Variants in SH2B1 observed in about 807,000 individuals in gnomAD.
SH2B1 encodes SH2B adaptor protein 1.
Under a neutral mutation model 62.6 loss-of-function variants are expected in SH2B1, and 15 were observed. The ratio of observed to expected loss-of-function variants is 0.24; its 90% CI spans 0.16 to 0.37. The LOEUF (loss-of-function observed/expected upper bound fraction) is 0.37. SH2B1 is among the 10% of genes least tolerant of loss of function. The probability of loss-of-function intolerance (pLI) is 1.00; values close to 1 mark genes in which losing one functional copy is unlikely to be tolerated. For synonymous variants in SH2B1, 443 were observed against 438.0 expected (o/e 1.01, Z -0.14); for missense variants, 925 against 1,015.6 (o/e 0.91, Z 1.21).
chr16:28,872,001 G>A lies in SH2B1; in HGVS notation c.1513+18G>A. 6.6e-7 allele frequency: 1 copy of A among 1,526,202 alleles called. No homozygotes were observed. The highest frequency in any genetic ancestry group is 2.2e-5 in the East Asian group (1 of 44,522). 94.5% of individuals were successfully genotyped at this position (1,526,202 alleles called of 1,614,324 possible). ...AGCCACAGGTACCGGAGGTGTGAGT[G>A]TGCATGTCTCCAGGCCTGGGTGCCT... On this transcript the variant is annotated intron_variant, in intron 5 of 7. Transcript: ENST00000684370. The surrounding 1 kb of genome is among the most constrained non-coding windows in gnomAD (Gnocchi z 5.3).
chr16:28,847,754 G>T (rs1962009917), intron 1 of SH2B1, among the ~76,000 whole-genome samples: 1 of 151,492 alleles, frequency 6.6e-6, no homozygotes, highest in Non-Finnish European at 1.5e-5. Context: ...AGGAGTTCAA[G>T]GCTGTGGTGA....
At chr16:28,870,612 C>T (rs1181103121) in intron 4 of SH2B1, among the ~76,000 whole-genome samples, 1 of 151,514 alleles carries the variant, frequency 6.6e-6, no homozygotes, top group Non-Finnish European at 1.5e-5. Flanking sequence ...GGGGCTTTGT[C>T]CTATAGTTCA....
intron 1 of SH2B1, among the ~76,000 whole-genome samples, chr16:28,848,899 T>G (rs1962041507): frequency 1.3e-5 from 2 of 151,972 alleles, no homozygotes; most frequent in African/African-American, 4.8e-5. Flanking sequence ...CTTGAACTCC[T>G]GACCTCAAGT....
chr16:28,858,398 A>G (rs1355398671), intron 1 of SH2B1, among the ~76,000 whole-genome samples: 4 of 152,164 alleles, frequency 2.6e-5, no homozygotes, highest in Non-Finnish European at 5.9e-5. Flanking sequence ...CTGCAATCCC[A>G]GCTACTTGGG....
chr16:28,864,120 G>A lies in SH2B1; in HGVS notation c.-1975G>A, dbSNP rs928077912. ...CTGGTCCCGAGGTGGATGCGGCCCC[G>A]GAAAATGGGCGGCTGGGGGGTGTCC... On this transcript the variant is annotated 5_prime_UTR_variant, in exon 1 of 8. Coordinates refer to ENST00000684370, the MANE Select transcript of SH2B1 (RefSeq NM_001387430.1). The A allele has an allele frequency of 1.6e-6, 2 of 1,216,258 alleles. No individual in the cohort carries two copies. The highest frequency in any genetic ancestry group is 1.0e-6 in the Non-Finnish European group (1 of 969,470). The allele number at this position is 1,216,258 out of a possible 1,614,324, so 75.3% of individuals were successfully genotyped here. A position where few individuals can be genotyped will look rare whatever the true frequency, so the allele number is the denominator to read the frequency against.
intron 2 of SH2B1, among the ~76,000 whole-genome samples, chr16:28,868,439 CTATTT>C (rs1328676270): frequency 6.6e-6 from 1 of 151,954 alleles, no homozygotes; most frequent in African/African-American, 2.4e-5. Context: ...TGCGCCTGGC[CTATTT>C]TATTTTATTT....
At chr16:28,855,857 G>A (rs765548465) in intron 1 of SH2B1, among the ~76,000 whole-genome samples, 40 of 117,680 alleles carry the variant, frequency 3.4e-4, no homozygotes, top group Non-Finnish European at 5.4e-4. Context: ...GGGTTTCACT[G>A]TGTTGGCCAG....
At chr16:28,863,740 G>C, upstream of SH2B1, 1 of 1,535,748 alleles carries the variant, frequency 6.5e-7, no homozygotes, top group South Asian at 1.2e-5. Context: ...GGCGCCGAGT[G>C]GGAGGATGGC....
At position 28,873,923 on chromosome 16, in the gene SH2B1, G is replaced by T. The variant is rs1963192421; in HGVS notation, c.*103G>T. On this transcript the variant is annotated 3_prime_UTR_variant, in exon 8 of 8. Transcript: ENST00000684370. The surrounding 1 kb of genome is among the most constrained non-coding windows in gnomAD (Gnocchi z 4.2). ...CCGAAATCCCTCCCCCATGCTTCCT[G>T]ACCCTTGTTGGCCAAGGGCATCTTT... is the stretch of plus-strand genomic sequence containing the variant. The T allele has an allele frequency of 1.7e-6, 2 of 1,206,542 alleles. No individual in the cohort carries two copies. The allele number at this position is 1,206,542 out of a possible 1,614,324, so 74.7% of individuals were successfully genotyped here.
Position 28,864,097 on chromosome 16 carries a change from G to T in SH2B1, c.-1998G>T. 2 of 1,262,040 alleles carry T rather than the reference G, an allele frequency of 1.6e-6. No individual in the cohort carries two copies. Among genetic ancestry groups the T allele is most frequent in the East Asian group, 8.1e-5 (2 of 24,774 alleles). The allele number at this position is 1,262,040 out of a possible 1,614,324, so 78.2% of individuals were successfully genotyped here. ...CCCGGAGAGTGCAGCAGACAGGGCT[G>T]GTCCCGAGGTGGATGCGGCCCCGGA... On this transcript the variant is annotated 5_prime_UTR_variant, in exon 1 of 8. Transcript: ENST00000684370.
At chr16:28,867,490 C>A in intron 2 of SH2B1, 58 bp downstream of exon 2, 2 of 1,330,628 alleles carry the variant, frequency 1.5e-6, no homozygotes, top group Non-Finnish European at 2.2e-6. Flanking sequence ...AAGCCCTCAG[C>A]GCATTTAAGC....
chr16:28,849,970 T>G (rs896185495), intron 1 of SH2B1, among the ~76,000 whole-genome samples: 1 of 151,974 alleles, frequency 6.6e-6, no homozygotes, highest in African/African-American at 2.4e-5. Flanking sequence ...TATGGCAAAT[T>G]TTTTGGAAGG....
upstream of SH2B1, among the ~76,000 whole-genome samples, chr16:28,859,720 A>T (rs913985666): frequency 2.6e-5 from 4 of 151,928 alleles, no homozygotes; most frequent in Admixed American, 6.6e-5. Context: ...GAAAAAAAAA[A>T]AGAGAGAGAG....
In SH2B1 at chr16:28,872,494, G is replaced by A. The variant is rs62037368; in HGVS notation, c.1726-40G>A. The A allele has an allele frequency of 0.012, 18,456 of 1,587,946 alleles. 136 individuals carry two copies. The highest frequency in any genetic ancestry group is 0.014 in the Non-Finnish European group (16,448 of 1,164,138). Reference sequence around the variant, plus strand: ...GGGGAGGGGGTTTGTACCTGGCAGGGCCTTTGCCTCCTACCTCACCTCCCC... The same window carrying A: ...GGGGAGGGGGTTTGTACCTGGCAGGACCTTTGCCTCCTACCTCACCTCCCC... On this transcript the variant is annotated intron_variant, in intron 6 of 7. Coordinates refer to ENST00000684370, the MANE Select transcript of SH2B1 (RefSeq NM_001387430.1). This position sits in a 1 kb window ranked among gnomAD's most constrained non-coding sequence, Gnocchi z 5.3.
At position 28,872,566 on chromosome 16, in the gene SH2B1, G is replaced by A; in HGVS notation, c.1758G>A (p.Gln586=). 6.2e-7 allele frequency: 1 copy of A among 1,613,848 alleles called. No homozygotes were observed. The highest frequency in any genetic ancestry group is 8.5e-7 in the Non-Finnish European group (1 of 1,179,726). The change falls in exon 7 of 8, where the codon CAG becomes CAA. Residue 586 remains glutamine (Q), a synonymous_variant. Coordinates refer to ENST00000684370, the MANE Select transcript of SH2B1 (RefSeq NM_001387430.1). This position sits in a 1 kb window ranked among gnomAD's most constrained non-coding sequence, Gnocchi z 5.3. ...GTTTGTCGCTGAACGAGGAGGGTCAGTGCCGGGTCCAGCACCTGTGGTTCC... is the reference window on the plus strand; with the variant it reads ...GTTTGTCGCTGAACGAGGAGGGTCAATGCCGGGTCCAGCACCTGTGGTTCC... ...HLRLSLNEEG[Q]CRVQHLWFQS...
rs573523855 is a variant in SH2B1, at chr16:28,858,809, G to T, written c.-300-2809G>T. Reference sequence around the variant, plus strand: ...ACAAAAATTAGCCAGGCCTGGTGGCGCACGCCTGTAATCTCAGCTATTCGG... The same window carrying T: ...ACAAAAATTAGCCAGGCCTGGTGGCTCACGCCTGTAATCTCAGCTATTCGG... On this transcript the variant is annotated intron_variant, in intron 1 of 10. Coordinates refer to the SH2B1 transcript ENST00000322610. Among the ~76,000 whole-genome samples the T allele has an allele frequency of 4.0e-5, 6 of 151,566 alleles. No individual in the cohort carries two copies. The South Asian group carries it at 1.3e-3, about 32-fold the overall frequency.
Position 28,873,760 on chromosome 16 carries a change from G to T in SH2B1, c.2211G>T (p.Gly737=). 6.8e-7 allele frequency: 1 copy of T among 1,476,574 alleles called. No homozygotes were observed. 91.5% of individuals were successfully genotyped at this position (1,476,574 alleles called of 1,614,324 possible). The change falls in exon 8 of 8, where the codon GGG becomes GGT. Residue 737 remains glycine, a synonymous_variant. Coordinates refer to ENST00000684370, the MANE Select transcript of SH2B1 (RefSeq NM_001387430.1). The surrounding 1 kb of genome is among the most constrained non-coding windows in gnomAD (Gnocchi z 4.2). ...TGCAGCTGCAGCAGTCACCACTAGG[G>T]GGTGATGGAGAGGAAGGGGGCCACC... The part of the protein sequence containing the change: ...PMVQLQQSPL[G]GDGEEGGHPR...
chr16:28,866,089 C>A lies in SH2B1; in HGVS notation c.-6C>A. ...GGCTCCCCCTCTCCACCTCCTGGGGCCCATCATGAATGGTGCCCCTTCCCC... is the reference window on the plus strand; with the variant it reads ...GGCTCCCCCTCTCCACCTCCTGGGGACCATCATGAATGGTGCCCCTTCCCC... On this transcript the variant is annotated 5_prime_UTR_variant, in exon 1 of 8. Transcript: ENST00000684370. This position sits in a 1 kb window ranked among gnomAD's most constrained non-coding sequence, Gnocchi z 6.3. The A allele has an allele frequency of 6.5e-7, 1 of 1,546,282 alleles. No homozygotes were observed. The highest frequency in any genetic ancestry group is 1.4e-5 in the African/African-American group (1 of 73,246).
At position 28,857,081 on chromosome 16, in the gene SH2B1, G is replaced by A. The variant is rs190304689; in HGVS notation, c.-300-4537G>A. On this transcript the variant is annotated intron_variant, in intron 1 of 10. Transcript: ENST00000322610. ...GAGGATCACTTGAGGTCAGGAGTTCGAGACCAGCCTGGCCAACGTGGTGGA... is the reference window on the plus strand; with the variant it reads ...GAGGATCACTTGAGGTCAGGAGTTCAAGACCAGCCTGGCCAACGTGGTGGA... 1.3e-4 allele frequency among the ~76,000 whole-genome samples: 20 copies of A among 152,194 alleles called. No homozygotes were observed. In the East Asian group the frequency reaches 1.4e-3, roughly 10 times the overall value.
Sources: gnomAD v4.1 joint callset for allele counts (sites outside exome capture counted in the v4.1 genomes callset) on GRCh38, gnomAD v4.1.1 for gene constraint, Gnocchi (gnomAD v3.1) non-coding constraint, MANE v1.5 for transcripts, NCBI Gene and HGNC (gene_info 2026-07-23, HGNC 2026-07-21) for gene names.